The following SLC4A8 variants were observed in gnomAD, a reference collection of about 807,000 sequenced individuals.
SLC4A8 encodes the protein electroneutral sodium bicarbonate exchanger 1.
A neutral mutation model predicts 125.0 loss-of-function variants in SLC4A8; 40 were observed. The ratio of observed to expected loss-of-function variants is 0.32; its 90% CI spans 0.25 to 0.42. SLC4A8 has a LOEUF of 0.42. Ranked by LOEUF, SLC4A8 falls within the 10% of genes least tolerant of loss-of-function variation. The pLI, the probability that SLC4A8 is intolerant of heterozygous loss-of-function variation, is 1.00. For missense variants in SLC4A8, 863 were observed against 1,355.1 expected, an observed-to-expected ratio of 0.64 and a Z score of 5.70; for synonymous variants, 456 against 476.0, an observed-to-expected ratio of 0.96 and a Z score of 0.55.
chr12:51,513,837 A>G lies in SLC4A8; in HGVS notation c.*6399A>G, dbSNP rs886730444. On this transcript the variant is annotated 3_prime_UTR_variant, in exon 25 of 25. Coordinates refer to ENST00000453097, the MANE Select transcript of SLC4A8 (RefSeq NM_001039960.3). ...CCAGGCTTGGTTGATATCTCAGACTATGATAGCTGTGACCTTCAAGAAATT... is the reference window on the plus strand; with the variant it reads ...CCAGGCTTGGTTGATATCTCAGACTGTGATAGCTGTGACCTTCAAGAAATT... 3.3e-5 allele frequency: 5 copies of G among 152,220 alleles called. No individual in the cohort carries two copies. The highest frequency in any genetic ancestry group is 7.3e-5 in the Non-Finnish European group (5 of 68,032). 9.4% of individuals were successfully genotyped at this position (152,220 alleles called of 1,614,324 possible). A position where few individuals can be genotyped will look rare whatever the true frequency, so the allele number is the denominator to read the frequency against.
At chr12:51,448,712 C>T (rs1463539044) in intron 2 of SLC4A8, among the ~76,000 whole-genome samples, 1 of 152,052 alleles carries the variant, frequency 6.6e-6, no homozygotes, top group Non-Finnish European at 1.5e-5. Flanking sequence ...TCAAGAAAGT[C>T]TTTTGAACTA....
chr12:51,400,803 T>C (rs199664221), intron 1 of SLC4A8, among the ~76,000 whole-genome samples: 918 of 82,800 alleles, frequency 0.011, 34 homozygotes, highest in African/African-American at 0.018. Flanking sequence ...CACACACACA[T>C]ATATAAACAT....
intron 16 of SLC4A8, among the ~76,000 whole-genome samples, chr12:51,484,263 AC>A (rs1417521280): frequency 1.3e-5 from 2 of 152,228 alleles, no homozygotes; most frequent in Non-Finnish European, 2.9e-5. Context: ...CAAATAGTTA[AC>A]AAGTGGCTGT....
At chr12:51,401,444 T>G (rs779878741) in intron 1 of SLC4A8, among the ~76,000 whole-genome samples, 2 of 152,204 alleles carry the variant, frequency 1.3e-5, no homozygotes, top group Admixed American at 6.5e-5. Flanking sequence ...GCTCAGCAGC[T>G]GGGCTCTCCT....
intron 14 of SLC4A8, 132 bp downstream of exon 14, chr12:51,471,664 T>A (rs1345027495): frequency 2.6e-5 from 26 of 999,330 alleles, no homozygotes; most frequent in Non-Finnish European, 4.5e-6. Context: ...GGATCTCAGA[T>A]ACAGACAAGG....
chr12:51,428,477 G>C (rs932867245), intron 1 of SLC4A8, among the ~76,000 whole-genome samples: 1 of 152,172 alleles, frequency 6.6e-6, no homozygotes, highest in Non-Finnish European at 1.5e-5. Flanking sequence ...AGTGACAGAT[G>C]GCCATTACTT....
At chr12:51,441,046 A>G in intron 2 of SLC4A8, 1 of 1,145,476 alleles carries the variant, frequency 8.7e-7, no homozygotes, top group Non-Finnish European at 1.1e-6. Context: ...TCCAATATAA[A>G]TATTAACAAG....
chr12:51,431,755 G>T (rs530305714), intron 1 of SLC4A8, among the ~76,000 whole-genome samples: 1 of 152,304 alleles, frequency 6.6e-6, no homozygotes, highest in Admixed American at 6.5e-5. Flanking sequence ...AGATGGAAGT[G>T]AATAAGGAGA....
chr12:51,461,395 T>C (rs1445302496), intron 9 of SLC4A8, 104 bp downstream of exon 9: 11 of 708,496 alleles, frequency 1.6e-5, no homozygotes, highest in African/African-American at 1.4e-4. Flanking sequence ...TACTTTCCAT[T>C]GCAATATCTG....
At chr12:51,465,130 C>A (rs1015788409) in intron 11 of SLC4A8, among the ~76,000 whole-genome samples, 3 of 152,102 alleles carry the variant, frequency 2.0e-5, no homozygotes, top group Non-Finnish European at 2.9e-5. Flanking sequence ...CATATGTCCT[C>A]AGAAGGGGTT....
chr12:51,417,903 T>G (rs902035062), intron 1 of SLC4A8, among the ~76,000 whole-genome samples: 2 of 152,042 alleles, frequency 1.3e-5, no homozygotes, highest in Admixed American at 1.3e-4. Flanking sequence ...CTGCCCGCCT[T>G]GGCCTCCCAA....
intron 1 of SLC4A8, among the ~76,000 whole-genome samples, chr12:51,412,298 C>G (rs574012335): frequency 6.6e-6 from 1 of 151,852 alleles, no homozygotes; most frequent in South Asian, 2.1e-4. Flanking sequence ...TAAAAATGTT[C>G]TAGTTGATGC....
chr12:51,433,700 GTTCCT>G (rs1246500740), intron 1 of SLC4A8, among the ~76,000 whole-genome samples: 2 of 152,114 alleles, frequency 1.3e-5, no homozygotes, highest in Admixed American at 6.5e-5. Context: ...GAGACCTGAT[GTTCCT>G]TTCTTTTCAT....
intron 22 of SLC4A8, among the ~76,000 whole-genome samples, chr12:51,500,620 T>C (rs1937815969): frequency 6.6e-6 from 1 of 152,086 alleles, no homozygotes; most frequent in African/African-American, 2.4e-5. Flanking sequence ...TGTTTTATAT[T>C]ACTTTGAACA....
intron 12 of SLC4A8, 47 bp from the exon 13 acceptor site, chr12:51,470,345 C>G: frequency 6.3e-7 from 1 of 1,593,252 alleles, no homozygotes; most frequent in African/African-American, 1.3e-5. Flanking sequence ...CAACATTACT[C>G]TGTACTGATG....
rs1186969313 is a variant in SLC4A8 at position 51,430,960 on chromosome 12, T to A, written c.48+5925T>A. On this transcript the variant is annotated intron_variant, in intron 1 of 24. Transcript: ENST00000453097. The stretch of plus-strand genomic sequence containing the variant: ...TGGCTTAAAAAACACAAATTTATCC[T>A]ACAGTTCTATAGTTCAGAAATCTGA... Among the ~76,000 whole-genome samples, 6 of 152,358 alleles carry A rather than the reference T, an allele frequency of 3.9e-5. No individual in the cohort carries two copies. In the East Asian group the frequency reaches 1.2e-3, roughly 29 times the overall value.
At chr12:51,506,806 T>G (rs557050332) in intron 24 of SLC4A8, among the ~76,000 whole-genome samples, 3 of 152,292 alleles carry the variant, frequency 2.0e-5, no homozygotes, top group African/African-American at 4.8e-5. Context: ...CTTAATCAGG[T>G]TAATGAAGAA....
intron 1 of SLC4A8, among the ~76,000 whole-genome samples, chr12:51,425,814 G>C (rs1286486628): frequency 6.6e-6 from 1 of 152,202 alleles, no homozygotes; most frequent in Non-Finnish European, 1.5e-5. Context: ...AGTTTCCCCA[G>C]CTATTAAAAT....
chr12:51,470,443 T>C lies in SLC4A8; in HGVS notation c.1576T>C (p.Leu526=), dbSNP rs1388483108. The C allele has an allele frequency of 5.0e-6, 8 of 1,613,904 alleles. No homozygotes were observed. Among genetic ancestry groups the C allele is most frequent in the Non-Finnish European group, 6.8e-6 (8 of 1,179,774 alleles). Residue 526 remains leucine, a synonymous_variant, in exon 13 of 25, where the codon TTG becomes CTG. Transcript: ENST00000453097. ...GASMTGIAYS[L]FAGQALTILG... ...TTCCATGACTGGGATTGCTTATTCC[T>C]TGTTTGCGGGACAGGCTCTCACCAT...
Sources: allele counts gnomAD v4.1 joint callset (sites outside exome capture counted in the v4.1 genomes callset), GRCh38; gene constraint gnomAD v4.1.1; transcripts MANE v1.5; gene names NCBI Gene and HGNC (gene_info 2026-07-23, HGNC 2026-07-21).